NFATC2: variants seen among roughly 807,000 people sequenced by gnomAD.
NFATC2 encodes the protein nuclear factor of activated T-cells, cytoplasmic 2.
In NFATC2, 22 loss-of-function variants were observed where a neutral mutation model predicts 87.3. The ratio of observed to expected loss-of-function variants is 0.25; its 90% CI spans 0.18 to 0.36. The LOEUF (loss-of-function observed/expected upper bound fraction) is 0.36, where lower values mean the gene tolerates loss of function less well. Among genes scored for constraint, NFATC2 ranks in the 10% least tolerant of loss-of-function variants. NFATC2 has a pLI of 1.00. For missense variants in NFATC2, 1,149 were observed against 1,259.1 expected (o/e 0.91, Z 1.32); for synonymous variants, 565 against 542.2 (o/e 1.04, Z -0.58).
chr20:51,562,491 G>C lies in NFATC2; in HGVS notation c.70+69C>G, dbSNP rs2077041423. On this transcript the variant is annotated intron_variant, in intron 1 of 10. Coordinates refer to the NFATC2 transcript ENST00000414705. The surrounding 1 kb of genome is among the most constrained non-coding windows in gnomAD (Gnocchi z 5.8). ...GCCGGGAGCTGAAAGTGCTGCCCGG[G>C]ACGGGAGCAGCAGGAAAGGGCCGGG... 1 of 1,385,882 alleles carries C rather than the reference G, an allele frequency of 7.2e-7. No individual in the cohort carries two copies. Among genetic ancestry groups the C allele is most frequent in the Non-Finnish European group, 1.0e-6 (1 of 1,002,952 alleles). 85.8% of individuals were successfully genotyped at this position (1,385,882 alleles called of 1,614,324 possible).
chr20:51,547,754 T>C (rs2146823940), intron 1 of NFATC2, among the ~76,000 whole-genome samples: 1 of 152,096 alleles, frequency 6.6e-6, no homozygotes, highest in Non-Finnish European at 1.5e-5. Flanking sequence ...CACCAAAGAG[T>C]GGTTCTTGAG....
At chr20:51,467,393 C>T (rs986091262) in intron 5 of NFATC2, among the ~76,000 whole-genome samples, 4 of 151,858 alleles carry the variant, frequency 2.6e-5, no homozygotes, top group Non-Finnish European at 4.4e-5. Context: ...CCCGTCTCTA[C>T]TAAAAATACA....
intron 1 of NFATC2, among the ~76,000 whole-genome samples, chr20:51,559,155 C>T (rs543138412): frequency 3.5e-4 from 54 of 152,342 alleles, no homozygotes; most frequent in African/African-American, 1.2e-3. Context: ...CAGAAAGCAG[C>T]ATGGGCTTTG....
At chr20:51,445,727 C>T (rs1466753210) in intron 6 of NFATC2, among the ~76,000 whole-genome samples, 1 of 152,194 alleles carries the variant, frequency 6.6e-6, no homozygotes, top group African/African-American at 2.4e-5. Flanking sequence ...CTGTCCACTC[C>T]CAAGGGCAGG....
At chr20:51,392,797 G>A (rs1237678951) in intron 10 of NFATC2, among the ~76,000 whole-genome samples, 1 of 152,180 alleles carries the variant, frequency 6.6e-6, no homozygotes, top group African/African-American at 2.4e-5. Context: ...GGTCAAAGCT[G>A]GGCCCTTCTA....
intron 2 of NFATC2, among the ~76,000 whole-genome samples, chr20:51,520,436 CTTTT>C (rs35265197): frequency 7.2e-6 from 1 of 139,526 alleles, no homozygotes. Flanking sequence ...TCAGGATTTT[CTTTT>C]TTTTTTTTTT....
In NFATC2 at chr20:51,523,865, C is replaced by T. The variant is rs1436543117; in HGVS notation, c.376G>A (p.Gly126Arg). Residue 126 changes from glycine (G) to arginine (R), a missense_variant, in exon 2 of 11, where the codon GGG (glycine) becomes AGG (arginine). By Grantham distance (125) the Gly-to-Arg change is moderately radical. Coordinates refer to ENST00000371564, the MANE Select transcript of NFATC2 (RefSeq NM_012340.5). This position sits in a 1 kb window ranked among gnomAD's most constrained non-coding sequence, Gnocchi z 6.9. ...TPSHELIQAVGPLRMRDAGLL... is the reference protein window; with the variant it reads ...TPSHELIQAVRPLRMRDAGLL... ...CCCGCGTCTCTCATGCGGAGGGGCCCCACTGCCTGGATCAGTTCGTGGGAC... is the reference window on the plus strand; with the variant it reads ...CCCGCGTCTCTCATGCGGAGGGGCCTCACTGCCTGGATCAGTTCGTGGGAC... The T allele has an allele frequency of 2.5e-6, 4 of 1,609,488 alleles. No homozygotes were observed. In the East Asian group the frequency reaches 6.7e-5, roughly 27 times the overall value.
chr20:51,476,324 A>C (rs1373373274), intron 3 of NFATC2, among the ~76,000 whole-genome samples: 1 of 150,142 alleles, frequency 6.7e-6, no homozygotes, highest in East Asian at 2.0e-4. Context: ...CAATGAACAA[A>C]GTTTGATTGT....
In NFATC2 at chr20:51,404,817, C is replaced by T. The variant is rs144170201; in HGVS notation, c.2723-6087G>A. Among the ~76,000 whole-genome samples the T allele has an allele frequency of 3.1e-3, 475 of 152,340 alleles. 2 individuals carry two copies. The highest frequency in any genetic ancestry group is 0.01 in the African/African-American group (422 of 41,582). ...GTGTGCGCAGACAGCTTTGGGCCGGCGACCTGCAGAGCAGCGTGAGTCACT... is the reference window on the plus strand; with the variant it reads ...GTGTGCGCAGACAGCTTTGGGCCGGTGACCTGCAGAGCAGCGTGAGTCACT... On this transcript the variant is annotated intron_variant, in intron 9 of 10. Coordinates refer to ENST00000371564, the MANE Select transcript of NFATC2 (RefSeq NM_012340.5).
At chr20:51,469,025 A>ATTT (rs11428690) in intron 5 of NFATC2, among the ~76,000 whole-genome samples, 5 of 147,990 alleles carry the variant, frequency 3.4e-5, no homozygotes, top group South Asian at 4.3e-4. Context: ...GGACATCAGT[A>ATTT]TTTTTTTTTT....
At chr20:51,435,110 G>A (rs1353822477) in intron 8 of NFATC2, 78 bp downstream of exon 8, 3 of 1,559,186 alleles carry the variant, frequency 1.9e-6, no homozygotes, top group African/African-American at 1.4e-5. Flanking sequence ...ACCCGGCTAG[G>A]AGCAGACTTC....
At chr20:51,516,377 T>G (rs1468821572) in intron 3 of NFATC2, among the ~76,000 whole-genome samples, 1 of 152,210 alleles carries the variant, frequency 6.6e-6, no homozygotes, top group Non-Finnish European at 1.5e-5. Context: ...AGTTTGATAA[T>G]GTATAGTTTT....
Position 51,558,487 on chromosome 20 carries a change from G to T in NFATC2, c.70+4073C>A, listed in dbSNP as rs564168478. Reference sequence around the variant, plus strand: ...TGGATTTAGGCATTGGTTTTTTTGGGGGGGGGCGAGGTAAATGTTGAAATA... The same window carrying T: ...TGGATTTAGGCATTGGTTTTTTTGGTGGGGGGCGAGGTAAATGTTGAAATA... On this transcript the variant is annotated intron_variant, in intron 1 of 10. Coordinates refer to the NFATC2 transcript ENST00000414705. 5.3e-5 allele frequency among the ~76,000 whole-genome samples: 8 copies of T among 152,126 alleles called. No individual in the cohort carries two copies. The East Asian group carries it at 9.7e-4, about 18-fold the overall frequency.
At chr20:51,447,086 G>A (rs1361822560) in intron 6 of NFATC2, among the ~76,000 whole-genome samples, 7 of 151,206 alleles carry the variant, frequency 4.6e-5, no homozygotes, top group Non-Finnish European at 3.0e-5. Flanking sequence ...ACTTAATTTA[G>A]AAAAAAAAAA....
intron 1 of NFATC2, 120 bp downstream of exon 1, chr20:51,542,250 C>T: frequency 7.8e-7 from 1 of 1,285,600 alleles, no homozygotes. Flanking sequence ...GGTAGGGGCA[C>T]CCTCCCTCCA....
intron 5 of NFATC2, among the ~76,000 whole-genome samples, chr20:51,456,496 G>C (rs1986552126): frequency 6.6e-6 from 1 of 152,154 alleles, no homozygotes; most frequent in Non-Finnish European, 1.5e-5. Flanking sequence ...ACCTATTCCA[G>C]AAGCCAGGCT....
intron 6 of NFATC2, among the ~76,000 whole-genome samples, chr20:51,449,248 A>C (rs1407953725): frequency 6.6e-6 from 1 of 152,156 alleles, no homozygotes; most frequent in African/African-American, 2.4e-5. Context: ...TTTGGAAAAA[A>C]GAAGTTGAGC....
At chr20:51,404,942 A>C (rs1988413872) in intron 9 of NFATC2, among the ~76,000 whole-genome samples, 1 of 152,226 alleles carries the variant, frequency 6.6e-6, no homozygotes. Flanking sequence ...CTTGGGGCTT[A>C]CGAGAAAGAT....
chr20:51,435,194 G>C lies in NFATC2; in HGVS notation c.2026C>G (p.His676Asp). ...KRSQPQHFTY[H>D]PVPAIKTEPT... ...CATCAGAAACACTCCTTACCTGGGT[G>C]GTAGGTAAAGTGCTGAGGCTGACTT... The change falls in exon 8 of 11, where the codon CAC becomes GAC. Residue 676 changes from histidine to aspartate, a missense_variant. Transcript: ENST00000371564. 1 of 1,614,072 alleles carries C rather than the reference G, an allele frequency of 6.2e-7. No homozygotes were observed. The highest frequency in any genetic ancestry group is 1.1e-5 in the South Asian group (1 of 91,072).
Sources: gnomAD v4.1 joint callset for allele counts (sites outside exome capture counted in the v4.1 genomes callset) on GRCh38, gnomAD v4.1.1 for gene constraint, Gnocchi (gnomAD v3.1) non-coding constraint, MANE v1.5 for transcripts, NCBI Gene and HGNC (gene_info 2026-07-23, HGNC 2026-07-21) for gene names.